ACER1: variants seen among roughly 807,000 people sequenced by gnomAD.
ACER1 encodes the protein alkaline ceramidase 1, also known as CTB-180A7.3.
A neutral mutation model predicts 24.9 loss-of-function variants in ACER1; 28 were observed. The observed-to-expected ratio is 1.13, with a 90% CI of 0.83 to 1.54. The LOEUF (loss-of-function observed/expected upper bound fraction) is 1.54, where lower values mean the gene tolerates loss of function less well. ACER1 is among the 40% of genes most tolerant of loss of function. ACER1 has a pLI of 0.00. For missense variants in ACER1, 352 were observed against 349.3 expected, an observed-to-expected ratio of 1.01 and a Z score of -0.06; for synonymous variants, 132 against 131.4, an observed-to-expected ratio of 1.00 and a Z score of -0.03.
At chr19:6,340,338 AGG>A in the ACER1 span, among the ~76,000 whole-genome samples, 1 of 146,696 alleles carries the variant, frequency 6.8e-6, no homozygotes, top group Non-Finnish European at 1.5e-5. Flanking sequence ...GAAGGAAGGA[AGG>A]AAGGAAGGAA....
the ACER1 span, among the ~76,000 whole-genome samples, chr19:6,342,258 CTTTTTT>C: frequency 8.9e-6 from 1 of 112,144 alleles, no homozygotes; most frequent in African/African-American, 3.3e-5. Flanking sequence ...TATCCTAGTT[CTTTTTT>C]TTTTTTTTTT....
At chr19:6,342,952 T>C in the ACER1 span, among the ~76,000 whole-genome samples, 3 of 152,056 alleles carry the variant, frequency 2.0e-5, no homozygotes, top group South Asian at 2.1e-4. Flanking sequence ...TAATTTTGTA[T>C]CTTTAGTAGA....
At chr19:6,313,068 C>A (rs972257342) in intron 1 of ACER1, among the ~76,000 whole-genome samples, 11 of 152,112 alleles carry the variant, frequency 7.2e-5, no homozygotes, top group Admixed American at 2.6e-4. Flanking sequence ...GTGAGTGTGG[C>A]AAAGACTATC....
upstream of ACER1, among the ~76,000 whole-genome samples, chr19:6,337,616 G>A (rs1288657464): frequency 7.0e-6 from 1 of 143,506 alleles, no homozygotes; most frequent in African/African-American, 2.6e-5. Context: ...ACCCTGCCTG[G>A]CCAAAGTTTT....
the ACER1 span, among the ~76,000 whole-genome samples, chr19:6,344,529 G>A: frequency 2.0e-5 from 3 of 151,744 alleles, no homozygotes; most frequent in Non-Finnish European, 2.9e-5. Context: ...CTAGTAGCTC[G>A]GACTACAGGC....
At chr19:6,354,187 TA>T in the ACER1 span, among the ~76,000 whole-genome samples, 6 of 140,830 alleles carry the variant, frequency 4.3e-5, no homozygotes, top group African/African-American at 1.7e-4. Flanking sequence ...ATCTCAAAAA[TA>T]AAATAAAATA....
chr19:6,329,798 T>C (rs921629267), intron 1 of ACER1, among the ~76,000 whole-genome samples: 1 of 152,082 alleles, frequency 6.6e-6, no homozygotes, highest in African/African-American at 2.4e-5. Context: ...TTCAAACTCC[T>C]GAACTCAAGC....
At chr19:6,312,635 C>T (rs75505945) in intron 1 of ACER1, 136 bp from the exon 2 acceptor site, 9,444 of 582,488 alleles carry the variant, frequency 0.016, 715 homozygotes, top group African/African-American at 0.16. Flanking sequence ...CAGGATTTGT[C>T]AATCACTCAC....
At chr19:6,316,806 C>T (rs1399704950) in intron 1 of ACER1, among the ~76,000 whole-genome samples, 2 of 142,230 alleles carry the variant, frequency 1.4e-5, no homozygotes, top group Non-Finnish European at 3.0e-5. Context: ...GGCGACAGAG[C>T]GAGACTCCCT....
intron 1 of ACER1, among the ~76,000 whole-genome samples, chr19:6,316,735 G>A (rs940097374): frequency 4.0e-5 from 6 of 149,384 alleles, no homozygotes; most frequent in Non-Finnish European, 8.9e-5. Context: ...CAGGACAATC[G>A]CTTGAATCCA....
Position 6,306,792 on chromosome 19 carries a change from T to G in ACER1, c.717A>C (p.Lys239Asn). ...AACTGTCCCGAGGCCAGTAGCGGAC[T>G]TTGAGGGTTTCACCTGGCATCTCAT... ...ANYEMPGETLKVRYWPRDSWP... is the reference protein window; with the variant it reads ...ANYEMPGETLNVRYWPRDSWP... The change falls in exon 6 of 6, where the codon AAA becomes AAC. Residue 239 changes from lysine to asparagine, a missense_variant. Transcript: ENST00000301452. The G allele has an allele frequency of 6.2e-7, 1 of 1,614,174 alleles. No homozygotes were observed. The highest frequency in any genetic ancestry group is 8.5e-7 in the Non-Finnish European group (1 of 1,180,030).
At chr19:6,343,130 G>A in the ACER1 span, among the ~76,000 whole-genome samples, 1 of 152,172 alleles carries the variant, frequency 6.6e-6, no homozygotes, top group African/African-American at 2.4e-5. Context: ...ATGGGAAGTG[G>A]GGGAGTGGTG....
the ACER1 span, among the ~76,000 whole-genome samples, chr19:6,339,410 G>C: frequency 1.3e-5 from 2 of 152,078 alleles, no homozygotes; most frequent in South Asian, 4.2e-4. Flanking sequence ...GGTCCCCAAA[G>C]TCCTCAGAGT....
chr19:6,347,693 G>A, the ACER1 span, among the ~76,000 whole-genome samples: 3,971 of 152,030 alleles, frequency 0.026, 64 homozygotes, highest in Non-Finnish European at 0.04. Context: ...AAAATTAGCC[G>A]GGCGTGGTGG....
At chr19:6,323,564 G>C (rs187106570) in intron 1 of ACER1, among the ~76,000 whole-genome samples, 1 of 152,336 alleles carries the variant, frequency 6.6e-6, no homozygotes, top group East Asian at 1.9e-4. Flanking sequence ...ACGTGGAACT[G>C]TAAGTCCATT....
At chr19:6,328,496 CAAAAAAAAAAAAAA>C (rs1013111916) in intron 1 of ACER1, among the ~76,000 whole-genome samples, 92 of 41,252 alleles carry the variant, frequency 2.2e-3, no homozygotes, top group African/African-American at 5.6e-3. Flanking sequence ...GACTCCATCT[CAAAAAAAAAAAAAA>C]AAAAAAAAAA....
chr19:6,314,785 T>A (rs2091595458), intron 1 of ACER1, among the ~76,000 whole-genome samples: 1 of 152,192 alleles, frequency 6.6e-6, no homozygotes, highest in Non-Finnish European at 1.5e-5. Flanking sequence ...CGTTCATATG[T>A]TTATTGCAGC....
At chr19:6,330,444 A>G (rs1160939588) in intron 1 of ACER1, among the ~76,000 whole-genome samples, 1 of 150,392 alleles carries the variant, frequency 6.6e-6, no homozygotes, top group Non-Finnish European at 1.5e-5. Context: ...CTGGGATTAC[A>G]GGCATAAGCC....
chr19:6,337,667 T>C (rs1190380000), upstream of ACER1, among the ~76,000 whole-genome samples: 44 of 62,078 alleles, frequency 7.1e-4, no homozygotes, highest in African/African-American at 3.4e-3. Context: ...CTTTCTTTTT[T>C]TTTTTTTTTT....
Sources: allele counts gnomAD v4.1 joint callset (sites outside exome capture counted in the v4.1 genomes callset), GRCh38; gene constraint gnomAD v4.1.1; transcripts MANE v1.5; gene names NCBI Gene and HGNC (gene_info 2026-07-23, HGNC 2026-07-21).